The following LCLAT1 variants were observed in gnomAD, a reference collection of about 807,000 sequenced individuals.
LCLAT1 encodes the protein lysocardiolipin acyltransferase 1.
Under a neutral mutation model 30.7 loss-of-function variants are expected in LCLAT1, and 11 were observed. The ratio of observed to expected loss-of-function variants is 0.36; its 90% CI spans 0.23 to 0.59. LCLAT1 has a LOEUF of 0.59. Ranked by LOEUF, LCLAT1 falls within the 20% of genes least tolerant of loss-of-function variation. LCLAT1 has a pLI of 0.77. For synonymous variants in LCLAT1, 155 were observed against 151.3 expected (o/e 1.02, Z -0.18); for missense variants, 402 against 458.6 (o/e 0.88, Z 1.13).
At chr2:30,616,346 C>T (rs548621377) in intron 5 of LCLAT1, among the ~76,000 whole-genome samples, 2 of 152,108 alleles carry the variant, frequency 1.3e-5, no homozygotes, top group Non-Finnish European at 2.9e-5. Context: ...GCCATACTGT[C>T]ATTGTAATAT....
At chr2:30,507,463 T>G (rs1003059814) in intron 1 of LCLAT1, among the ~76,000 whole-genome samples, 1 of 152,116 alleles carries the variant, frequency 6.6e-6, no homozygotes, top group African/African-American at 2.4e-5. Flanking sequence ...TTTTCCTGAT[T>G]GACTCCCACC....
chr2:30,523,732 G>C (rs115437782), intron 1 of LCLAT1, among the ~76,000 whole-genome samples: 1 of 152,148 alleles, frequency 6.6e-6, no homozygotes, highest in Non-Finnish European at 1.5e-5. Context: ...GATGAGTGTG[G>C]TGGCGCGTGT....
chr2:30,570,701 G>C (rs1207122414), intron 5 of LCLAT1, among the ~76,000 whole-genome samples: 1 of 152,132 alleles, frequency 6.6e-6, no homozygotes, highest in Admixed American at 6.5e-5. Context: ...CTAGTGAGCT[G>C]GAATATTTTC....
intron 5 of LCLAT1, among the ~76,000 whole-genome samples, chr2:30,571,874 T>G (rs1003254185): frequency 1.3e-5 from 2 of 152,198 alleles, no homozygotes; most frequent in Admixed American, 1.3e-4. Context: ...TTTGGAAATA[T>G]TTTTGTAGAT....
intron 5 of LCLAT1, among the ~76,000 whole-genome samples, chr2:30,623,121 T>C (rs1189553813): frequency 6.7e-6 from 1 of 148,480 alleles, no homozygotes; most frequent in Admixed American, 6.8e-5. Context: ...TGGCGTGCTC[T>C]CTGCTCACTG....
chr2:30,553,257 G>A (rs374152801), intron 3 of LCLAT1, among the ~76,000 whole-genome samples: 44 of 152,086 alleles, frequency 2.9e-4, no homozygotes, highest in African/African-American at 1.0e-3. Flanking sequence ...CCTAGGCAAC[G>A]CTAAAACTTG....
chr2:30,538,415 G>A (rs1663913701), intron 3 of LCLAT1, among the ~76,000 whole-genome samples: 1 of 152,138 alleles, frequency 6.6e-6, no homozygotes, highest in Admixed American at 6.5e-5. Context: ...GGCCAAGGCG[G>A]GTGGATCACC....
intron 5 of LCLAT1, among the ~76,000 whole-genome samples, chr2:30,604,667 A>G (rs1324119861): frequency 7.0e-6 from 1 of 142,022 alleles, no homozygotes; most frequent in African/African-American, 3.0e-5. Context: ...TCTCAAAAAA[A>G]AAAAAAAAAA....
chr2:30,603,372 A>G (rs1272437759), intron 5 of LCLAT1, among the ~76,000 whole-genome samples: 8 of 152,164 alleles, frequency 5.3e-5, no homozygotes, highest in Non-Finnish European at 8.8e-5. Flanking sequence ...CAACAAAGCA[A>G]GGATCCTAAA....
At chr2:30,503,047 A>C (rs1684475217) in intron 1 of LCLAT1, among the ~76,000 whole-genome samples, 1 of 152,162 alleles carries the variant, frequency 6.6e-6, no homozygotes, top group African/African-American at 2.4e-5. Flanking sequence ...ATTACATGCA[A>C]ATTAAGGGGC....
At chr2:30,605,216 G>A (rs1041911149) in intron 5 of LCLAT1, among the ~76,000 whole-genome samples, 3 of 152,180 alleles carry the variant, frequency 2.0e-5, no homozygotes. Flanking sequence ...TAACCTAAAC[G>A]TGTTTGCACA....
intron 1 of LCLAT1, among the ~76,000 whole-genome samples, chr2:30,496,647 T>G (rs954070946): frequency 6.6e-6 from 1 of 152,234 alleles, no homozygotes; most frequent in Non-Finnish European, 1.5e-5. Context: ...TGTGTAAATG[T>G]GTCATATGCA....
chr2:30,502,848 T>C (rs532913841), intron 1 of LCLAT1, among the ~76,000 whole-genome samples: 3 of 152,182 alleles, frequency 2.0e-5, no homozygotes, highest in Non-Finnish European at 2.9e-5. Context: ...AGCCCCCAAA[T>C]TGGGGCTTAA....
At chr2:30,459,242 C>A (rs571464440) in intron 1 of LCLAT1, among the ~76,000 whole-genome samples, 2 of 152,148 alleles carry the variant, frequency 1.3e-5, no homozygotes, top group African/African-American at 4.8e-5. Flanking sequence ...CCTTGCTGTT[C>A]ACATTCTGGC....
chr2:30,553,877 C>T (rs1304464222), intron 3 of LCLAT1, among the ~76,000 whole-genome samples: 1 of 151,506 alleles, frequency 6.6e-6, no homozygotes, highest in African/African-American at 2.4e-5. Context: ...GTTGCGCTAT[C>T]ATTAGCTCAT....
At chr2:30,621,593 G>A (rs554646815) in intron 5 of LCLAT1, among the ~76,000 whole-genome samples, 30 of 152,276 alleles carry the variant, frequency 2.0e-4, no homozygotes, top group African/African-American at 1.2e-4. Flanking sequence ...TGCAGGCTCC[G>A]TGAGACAGCC....
At chr2:30,638,202 T>C (rs1199162784) in intron 5 of LCLAT1, among the ~76,000 whole-genome samples, 1 of 152,210 alleles carries the variant, frequency 6.6e-6, no homozygotes, top group African/African-American at 2.4e-5. Context: ...ATAATCATTT[T>C]TTAAAAAGTG....
intron 3 of LCLAT1, among the ~76,000 whole-genome samples, chr2:30,560,283 G>GGTGTGTGTGT (rs57326977): frequency 6.5e-4 from 94 of 144,584 alleles, no homozygotes; most frequent in Non-Finnish European, 7.0e-4. Flanking sequence ...AATAAAGTGT[G>GGTGTGTGTGT]GTGTGTGTGT....
chr2:30,568,173 G>A lies in LCLAT1; in HGVS notation c.625G>A (p.Glu209Lys), dbSNP rs1156805111. Residue 209 changes from glutamate (E) to lysine (K), a missense_variant, in exon 5 of 6, where the codon GAA becomes AAA. Glu to Lys is a moderately conservative substitution (Grantham distance 56). Transcript: ENST00000379509. ...TACTTTTGTGGTAGACCGTCTAAGA[G>A]AAGGTAAGCACCCATTTCAAAATGT... ...GFTFVVDRLR[E>K]GKNLDAVHDI... is the part of the protein sequence containing the mutation. The A allele has an allele frequency of 7.2e-6, 11 of 1,537,616 alleles. No homozygotes were observed. Among genetic ancestry groups the A allele is most frequent in the Non-Finnish European group, 8.9e-6 (10 of 1,120,276 alleles).
Sources: allele counts gnomAD v4.1 joint callset (sites outside exome capture counted in the v4.1 genomes callset), GRCh38; gene constraint gnomAD v4.1.1; transcripts MANE v1.5; gene names NCBI Gene and HGNC (gene_info 2026-07-23, HGNC 2026-07-21).